Variants in ANO2 observed in about 807,000 individuals in gnomAD.
ANO2 encodes the protein anoctamin 2, also known as anoctamin-2.
Under a neutral mutation model 124.2 loss-of-function variants are expected in ANO2, and 101 were observed. The observed-to-expected ratio is 0.81, with a 90% confidence interval of 0.69 to 0.96. The LOEUF (loss-of-function observed/expected upper bound fraction) is 0.96. ANO2 is among the 40% of genes least tolerant of loss of function. ANO2 has a pLI of 0.00. For missense variants in ANO2, 1,293 were observed against 1,274.5 expected (o/e 1.01, Z -0.22); for synonymous variants, 486 against 482.5 (o/e 1.01, Z -0.09).
intron 14 of ANO2, among the ~76,000 whole-genome samples, chr12:5,727,868 G>C (rs1950504410): frequency 6.6e-6 from 1 of 150,742 alleles, no homozygotes; most frequent in Admixed American, 6.6e-5. Context: ...GTGCAGTCGT[G>C]CAATCTCGGC....
intron 7 of ANO2, among the ~76,000 whole-genome samples, chr12:5,819,274 T>C (rs1454689021): frequency 6.6e-6 from 1 of 152,196 alleles, no homozygotes; most frequent in Non-Finnish European, 1.5e-5. Flanking sequence ...GTTGACAGTA[T>C]GACCCACGAG....
At chr12:5,627,236 T>C (rs57341742) in intron 16 of ANO2, among the ~76,000 whole-genome samples, 5,772 of 150,966 alleles carry the variant, frequency 0.038, 224 homozygotes, top group East Asian at 0.16. Context: ...ATGGAGGGGG[T>C]CCCCCAACAA....
intron 14 of ANO2, among the ~76,000 whole-genome samples, chr12:5,689,317 CA>C (rs1192446759): frequency 6.6e-6 from 1 of 150,642 alleles, no homozygotes; most frequent in African/African-American, 2.5e-5. Flanking sequence ...TAGAGATCAT[CA>C]ATGCAAAAGA....
At chr12:5,827,272 GAGA>G (rs1953983932) in intron 7 of ANO2, among the ~76,000 whole-genome samples, 1 of 152,200 alleles carries the variant, frequency 6.6e-6, no homozygotes, top group Non-Finnish European at 1.5e-5. Context: ...CGGATATGGT[GAGA>G]AGAATGCTGA....
At chr12:5,669,043 A>C (rs1415016749) in intron 14 of ANO2, among the ~76,000 whole-genome samples, 1 of 151,220 alleles carries the variant, frequency 6.6e-6, no homozygotes, top group Non-Finnish European at 1.5e-5. Flanking sequence ...TTTTTTTAGT[A>C]CCATATGAAT....
intron 14 of ANO2, among the ~76,000 whole-genome samples, chr12:5,687,729 G>A (rs952625601): frequency 1.3e-5 from 2 of 152,220 alleles, no homozygotes; most frequent in African/African-American, 4.8e-5. Flanking sequence ...TTACAGACAT[G>A]ATCTCATTCA....
chr12:5,739,148 G>C lies in ANO2; in HGVS notation c.1434+169C>G, dbSNP rs1222653479. Reference sequence around the variant, plus strand: ...TACTTGAACTCTTGGCCTCAGAGTAGGTCAACCATGGCCCAAGTCCATGGA... The same window carrying C: ...TACTTGAACTCTTGGCCTCAGAGTACGTCAACCATGGCCCAAGTCCATGGA... On this transcript the variant is annotated intron_variant, in intron 13 of 24. Coordinates refer to ENST00000682330, the MANE Select transcript of ANO2 (RefSeq NM_001364791.2). The C allele has an allele frequency of 4.2e-6, 3 of 720,202 alleles. No homozygotes were observed. In the South Asian group the frequency reaches 4.5e-5, roughly 11 times the overall value. 44.6% of individuals were successfully genotyped at this position (720,202 alleles called of 1,614,324 possible).
chr12:5,804,692 G>A (rs184322853), intron 9 of ANO2, among the ~76,000 whole-genome samples: 56 of 152,324 alleles, frequency 3.7e-4, no homozygotes, highest in Non-Finnish European at 6.6e-4. Flanking sequence ...GTGGTTAACA[G>A]TAATTTCGTA....
intron 14 of ANO2, among the ~76,000 whole-genome samples, chr12:5,724,025 T>G (rs1220962547): frequency 6.6e-6 from 1 of 152,096 alleles, no homozygotes; most frequent in Non-Finnish European, 1.5e-5. Flanking sequence ...CCTCAGCTCA[T>G]GCAGGCGTAC....
chr12:5,802,874 G>T (rs1264057100), intron 9 of ANO2, among the ~76,000 whole-genome samples: 2 of 152,206 alleles, frequency 1.3e-5, no homozygotes, highest in Admixed American at 1.3e-4. Context: ...GTGTCTGTCT[G>T]CCCCAAGCCT....
rs1484004567 is a variant in ANO2, at chr12:5,635,201, G to A, written c.1767C>T (p.Leu589=). The change falls in exon 16 of 25, where the codon CTC becomes CTT. Residue 589 remains leucine, a synonymous_variant. Transcript: ENST00000682330. The surrounding 1 kb of genome is among the most constrained non-coding windows in gnomAD (Gnocchi z 5.2). ...TAVIINLVVI[L]ILDEIYGAVA... is the part of the protein sequence containing the mutation. ...CAGCGCCGTAGATCTCGTCCAGGAT[G>A]AGGATGACCACGAGGTTGATGATGA... 1.9e-6 allele frequency: 3 copies of A among 1,609,612 alleles called. No individual in the cohort carries two copies. Among genetic ancestry groups the A allele is most frequent in the South Asian group, 1.1e-5 (1 of 90,180 alleles).
intron 1 of ANO2, among the ~76,000 whole-genome samples, chr12:5,923,726 G>A (rs1333994809): frequency 6.6e-6 from 1 of 152,214 alleles, no homozygotes; most frequent in African/African-American, 2.4e-5. Flanking sequence ...GCTAGAATTG[G>A]AGGGAACTGA....
chr12:5,647,629 T>G (rs444834), intron 15 of ANO2, 98 bp downstream of exon 15: 359,556 of 1,017,358 alleles, frequency 0.35, 69,836 homozygotes, highest in African/African-American at 0.65. Context: ...TTTACCAGCC[T>G]CTCATTATTT....
intron 16 of ANO2, among the ~76,000 whole-genome samples, chr12:5,631,686 C>G (rs1357162318): frequency 1.3e-5 from 2 of 152,062 alleles, no homozygotes; most frequent in Admixed American, 1.3e-4. Context: ...AGGAGAAGCC[C>G]TTTGAAGGAG....
chr12:5,829,707 T>C (rs1032753114), intron 6 of ANO2, among the ~76,000 whole-genome samples: 1 of 152,180 alleles, frequency 6.6e-6, no homozygotes, highest in Non-Finnish European at 1.5e-5. Context: ...CTATGTGACC[T>C]CTAGGGTGAT....
chr12:5,873,505 T>C (rs1185494681), intron 3 of ANO2, among the ~76,000 whole-genome samples: 5 of 152,182 alleles, frequency 3.3e-5, no homozygotes, highest in East Asian at 3.9e-4. Context: ...CTGGAGGAAT[T>C]TGGGCTGGGG....
At chr12:5,573,696 G>A (rs1417128628) in intron 23 of ANO2, among the ~76,000 whole-genome samples, 3 of 152,218 alleles carry the variant, frequency 2.0e-5, no homozygotes, top group Non-Finnish European at 2.9e-5. Flanking sequence ...ACTCTTTATA[G>A]GCCCAGATGC....
chr12:5,595,475 AG>A lies in ANO2; in HGVS notation c.2233+4008del, dbSNP rs552043230. Reference sequence around the variant, plus strand: ...TGGCCTCAAGCAATCCTCCTGTCTCAGCCTCCCAAAGTGCTGGGTTTATAAG... The same window carrying A: ...TGGCCTCAAGCAATCCTCCTGTCTCACCTCCCAAAGTGCTGGGTTTATAAG... On this transcript the variant is annotated intron_variant, in intron 20 of 24. Transcript: ENST00000682330. Among the ~76,000 whole-genome samples, 6 of 151,868 alleles carry A rather than the reference AG, an allele frequency of 4.0e-5. No individual in the cohort carries two copies. In the South Asian group the frequency reaches 1.3e-3, roughly 32 times the overall value.
chr12:5,605,198 T>C (rs770001713), intron 19 of ANO2, among the ~76,000 whole-genome samples: 2 of 152,218 alleles, frequency 1.3e-5, no homozygotes, highest in Non-Finnish European at 2.9e-5. Context: ...TGTATTCCTA[T>C]TCCTTTTCCT....
Sources: gnomAD v4.1 joint callset for allele counts (sites outside exome capture counted in the v4.1 genomes callset) on GRCh38, gnomAD v4.1.1 for gene constraint, Gnocchi (gnomAD v3.1) non-coding constraint, MANE v1.5 for transcripts, NCBI Gene and HGNC (gene_info 2026-07-23, HGNC 2026-07-21) for gene names.